The following VANGL2 variants were observed in gnomAD, a reference collection of about 807,000 sequenced individuals.
VANGL2 encodes the protein VANGL planar cell polarity protein 2.
Under a neutral mutation model 50.2 loss-of-function variants are expected in VANGL2, and 14 were observed. That is an observed-to-expected ratio of 0.28 (90% CI 0.18 to 0.44). VANGL2 has a LOEUF of 0.44. Among genes scored for constraint, VANGL2 ranks in the 20% least tolerant of loss-of-function variants. VANGL2 has a pLI of 1.00. For missense variants in VANGL2, 533 were observed against 701.5 expected, an observed-to-expected ratio of 0.76 and a Z score of 2.71; for synonymous variants, 295 against 297.2, an observed-to-expected ratio of 0.99 and a Z score of 0.08.
rs1651442002 is a variant in VANGL2 at position 160,426,028 on chromosome 1, A to C, written c.*650A>C. The C allele has an allele frequency of 6.6e-6, 1 of 152,020 alleles. No individual in the cohort carries two copies. Among genetic ancestry groups the C allele is most frequent in the African/African-American group, 2.4e-5 (1 of 41,370 alleles). The allele number at this position is 152,020 out of a possible 1,614,324, so 9.4% of individuals were successfully genotyped here. On this transcript the variant is annotated 3_prime_UTR_variant, in exon 8 of 8. Coordinates refer to ENST00000368061, the MANE Select transcript of VANGL2 (RefSeq NM_020335.3). ...ATCCTTTTCCCAGAAATCTCCACCT[A>C]ATGTTTTTGGTTTGTATGGTCACGT... is the stretch of plus-strand genomic sequence containing the variant.
At chr1:160,406,445 C>T (rs551404210) in intron 1 of VANGL2, among the ~76,000 whole-genome samples, 24 of 152,240 alleles carry the variant, frequency 1.6e-4, no homozygotes, top group Admixed American at 2.6e-4. Context: ...AAGCCTGGGG[C>T]GGGGCCAGCA....
rs1488480647 is a variant in VANGL2, at chr1:160,419,685, G to T, written c.800+76G>T. 6.4e-7 allele frequency: 1 copy of T among 1,552,622 alleles called. No homozygotes were observed. Among genetic ancestry groups the T allele is most frequent in the Non-Finnish European group, 8.6e-7 (1 of 1,157,922 alleles). ...TGTGGAGTGACTGCTAGGGTGGGAG[G>T]GTATGATGGTGGGCTGGAGGTGATG... On this transcript the variant is annotated intron_variant, in intron 4 of 7. Transcript: ENST00000368061. The surrounding 1 kb of genome is among the most constrained non-coding windows in gnomAD (Gnocchi z 5.8).
intron 2 of VANGL2, 58 bp downstream of exon 2, chr1:160,415,966 G>A (rs1307850501): frequency 6.2e-7 from 1 of 1,614,070 alleles, no homozygotes; most frequent in Admixed American, 1.7e-5. Flanking sequence ...GCTGTTAAGA[G>A]GTGGGCACGT....
In VANGL2 at chr1:160,420,981, C is replaced by T. The variant is rs1311605815; in HGVS notation, c.938-71C>T. ...TTCTGGACATGTCAGGCTGCTGTCT[C>T]CAGAGCTCCTGGAGTGGGAAGAGAG... On this transcript the variant is annotated intron_variant, in intron 5 of 7. Transcript: ENST00000368061. 34 of 1,604,142 alleles carry T rather than the reference C, an allele frequency of 2.1e-5. No individual in the cohort carries two copies. The South Asian group carries it at 3.2e-4, about 15-fold the overall frequency.
At chr1:160,414,349 C>T (rs1283233065) in intron 1 of VANGL2, among the ~76,000 whole-genome samples, 2 of 152,238 alleles carry the variant, frequency 1.3e-5, no homozygotes, top group Non-Finnish European at 2.9e-5. Flanking sequence ...ATACAACAAG[C>T]TCTTTCCTGC....
In VANGL2 at chr1:160,400,570, C is replaced by T. The variant is rs1650418735; in HGVS notation, c.-490C>T. On this transcript the variant is annotated 5_prime_UTR_variant, in exon 1 of 8. Transcript: ENST00000368061. ...CCCCTCCGCCCCCTCCCCCCTGCGC[C>T]GCCGGCTCCCGATCTGATTCCTGAT... is the stretch of plus-strand genomic sequence containing the variant. 1 of 151,382 alleles carries T rather than the reference C, an allele frequency of 6.6e-6. No homozygotes were observed. The highest frequency in any genetic ancestry group is 1.5e-5 in the Non-Finnish European group (1 of 67,702). The allele number at this position is 151,382 out of a possible 1,614,324, so 9.4% of individuals were successfully genotyped here.
At chr1:160,401,494 A>C (rs1650461904) in intron 1 of VANGL2, among the ~76,000 whole-genome samples, 1 of 151,708 alleles carries the variant, frequency 6.6e-6, no homozygotes, top group South Asian at 2.1e-4. Context: ...CATCTGGGGG[A>C]CTGTGGGCTC....
intron 1 of VANGL2, among the ~76,000 whole-genome samples, chr1:160,401,642 T>A (rs1467693943): frequency 1.3e-5 from 2 of 152,036 alleles, no homozygotes; most frequent in Non-Finnish European, 2.9e-5. Flanking sequence ...TTTCTGTGCT[T>A]GAGTGTGTGT....
chr1:160,404,118 A>G (rs1422365680), intron 1 of VANGL2, among the ~76,000 whole-genome samples: 5 of 152,210 alleles, frequency 3.3e-5, no homozygotes, highest in Non-Finnish European at 7.3e-5. Flanking sequence ...GAGAGGTCGG[A>G]GTCGGGATAG....
Position 160,420,596 on chromosome 1 carries a change from C to A in VANGL2, c.937+49C>A, listed in dbSNP as rs371667105. The A allele has an allele frequency of 9.3e-6, 15 of 1,611,474 alleles. No individual in the cohort carries two copies. The African/African-American group carries it at 1.9e-4, about 20-fold the overall frequency. ...CTTCCCTGTCTCTTCCCAAGCAGGA[C>A]TCCAAGTTCCCGCCTCTCTTTTACC... On this transcript the variant is annotated intron_variant, in intron 5 of 7. Coordinates refer to ENST00000368061, the MANE Select transcript of VANGL2 (RefSeq NM_020335.3).
chr1:160,421,882 A>G (rs1651287496), intron 6 of VANGL2, among the ~76,000 whole-genome samples: 1 of 152,182 alleles, frequency 6.6e-6, no homozygotes, highest in African/African-American at 2.4e-5. Flanking sequence ...GACTCACCAG[A>G]TGGTGCTTTT....
rs1184965423 is a variant in VANGL2 at position 160,415,906 on chromosome 1, C to G, written c.69C>G (p.His23Gln). 1 of 1,614,070 alleles carries G rather than the reference C, an allele frequency of 6.2e-7. No homozygotes were observed. Among genetic ancestry groups the G allele is most frequent in the Non-Finnish European group, 8.5e-7 (1 of 1,180,042 alleles). ...GCCACTCCCGCAGCTCCCGCAAGCA[C>G]AGGTGGGCAGGCATGCAGGGTGACA... ...KSGHSRSSRK[H>Q]RDRRDRHRSK... The change falls in exon 2 of 8, where the codon CAC becomes CAG. Residue 23 changes from histidine (H) to glutamine (Q), a missense_variant and splice_region_variant. Coordinates refer to ENST00000368061, the MANE Select transcript of VANGL2 (RefSeq NM_020335.3).
At chr1:160,420,689 A>C in intron 5 of VANGL2, 142 bp downstream of exon 5, 1 of 1,319,738 alleles carries the variant, frequency 7.6e-7, no homozygotes, top group Non-Finnish European at 1.1e-6. Context: ...ATTTCCCTTG[A>C]CTCCAGGTGG....
rs1450597244 is a variant in VANGL2, at chr1:160,428,225, TCTC to T, written c.*2852_*2854del. On this transcript the variant is annotated 3_prime_UTR_variant, in exon 8 of 8. Coordinates refer to ENST00000368061, the MANE Select transcript of VANGL2 (RefSeq NM_020335.3). The stretch of plus-strand genomic sequence containing the variant: ...ACGTCTTTTTCCCAGGGTTCGTACT[TCTC>T]CTCCATTGGTCCCAGGCTAACTCCC... 6.5e-6 allele frequency: 1 copy of T among 152,702 alleles called. No homozygotes were observed. The highest frequency in any genetic ancestry group is 1.5e-5 in the Non-Finnish European group (1 of 68,112). 9.5% of individuals were successfully genotyped at this position (152,702 alleles called of 1,614,324 possible). A position where few individuals can be genotyped will look rare whatever the true frequency, so the allele number is the denominator to read the frequency against.
At position 160,427,541 on chromosome 1, in the gene VANGL2, C is replaced by A. The variant is rs1345913029; in HGVS notation, c.*2163C>A. On this transcript the variant is annotated 3_prime_UTR_variant, in exon 8 of 8. Transcript: ENST00000368061. ...GTCTTTTGCTTCAGAACTGTGGTAT[C>A]TTTGTCTTTTTTCATTATTATTATT... The A allele has an allele frequency of 2.7e-5, 4 of 147,244 alleles. No homozygotes were observed. In the South Asian group the frequency reaches 8.8e-4, roughly 32 times the overall value. 9.1% of individuals were successfully genotyped at this position (147,244 alleles called of 1,614,324 possible).
At chr1:160,409,502 T>G (rs1414482559) in intron 1 of VANGL2, among the ~76,000 whole-genome samples, 2 of 152,118 alleles carry the variant, frequency 1.3e-5, no homozygotes, top group Non-Finnish European at 2.9e-5. Context: ...ATGGGCATAG[T>G]CAGAGGTTCA....
At chr1:160,425,035 G>A in intron 7 of VANGL2, 83 bp from the exon 8 acceptor site, 4 of 1,604,692 alleles carry the variant, frequency 2.5e-6, no homozygotes, top group Non-Finnish European at 3.4e-6. Context: ...CGTCCTTCTT[G>A]TCTTTGGAAA....
chr1:160,419,901 T>TG lies in VANGL2; in HGVS notation c.800+299dup, dbSNP rs546717456. ...GGGGATGGACCAAAGGGAAGAAATA[T>TG]GGGGGGGTGCACAAACAGGGGCTTT... On this transcript the variant is annotated intron_variant, in intron 4 of 7. Transcript: ENST00000368061. This position sits in a 1 kb window ranked among gnomAD's most constrained non-coding sequence, Gnocchi z 5.8. 4.5e-4 allele frequency among the ~76,000 whole-genome samples: 55 copies of TG among 123,078 alleles called. No homozygotes were observed. Among genetic ancestry groups the TG allele is most frequent in the African/African-American group, 1.5e-3 (48 of 32,172 alleles). The allele number at this position is 123,078 out of a possible 152,430, so 80.7% of individuals were successfully genotyped here. A position where few individuals can be genotyped will look rare whatever the true frequency, so the allele number is the denominator to read the frequency against.
intron 1 of VANGL2, among the ~76,000 whole-genome samples, chr1:160,409,069 G>A (rs1386267999): frequency 1.3e-5 from 2 of 152,228 alleles, no homozygotes; most frequent in African/African-American, 4.8e-5. Flanking sequence ...CTTAGCTGAG[G>A]CCTGTCTAGT....
Sources: gnomAD v4.1 joint callset for allele counts (sites outside exome capture counted in the v4.1 genomes callset) on GRCh38, gnomAD v4.1.1 for gene constraint, Gnocchi (gnomAD v3.1) non-coding constraint, MANE v1.5 for transcripts, NCBI Gene and HGNC (gene_info 2026-07-23, HGNC 2026-07-21) for gene names.